Variants in ATG2A observed in about 807,000 individuals in gnomAD.
ATG2A encodes the protein autophagy-related protein 2 homolog A.
ATG2A carries 103 observed loss-of-function variants against 214.2 expected under a neutral mutation model. That is an observed-to-expected ratio of 0.48 (90% CI 0.41 to 0.57). The LOEUF (loss-of-function observed/expected upper bound fraction) is 0.57. ATG2A is among the 20% of genes least tolerant of loss of function. ATG2A has a pLI of 0.00. For missense variants in ATG2A, 2,312 were observed against 2,613.2 expected (o/e 0.88, Z 2.51); for synonymous variants, 1,160 against 1,142.1 (o/e 1.02, Z -0.32).
rs1176242142 is a variant in ATG2A at position 64,910,692 on chromosome 11, C to T, written c.1631G>A (p.Gly544Asp). Residue 544 changes from glycine (G) to aspartate (D), a missense_variant, in exon 12 of 41, where the codon GGT (glycine) becomes GAT (aspartate). Transcript: ENST00000377264. Reference sequence around the variant, plus strand: ...AGCTGAGGCCTGGGAGCCCAGCGTACCAGGAAAGGTCAGGATCTGGGATGG... The same window carrying T: ...AGCTGAGGCCTGGGAGCCCAGCGTATCAGGAAAGGTCAGGATCTGGGATGG... Reference protein sequence around the residue: ...PEYTEILTFPGTLGSQASARP... With the variant: ...PEYTEILTFPDTLGSQASARP... The T allele has an allele frequency of 6.2e-7, 1 of 1,610,412 alleles. No homozygotes were observed. The highest frequency in any genetic ancestry group is 8.5e-7 in the Non-Finnish European group (1 of 1,178,598).
intron 30 of ATG2A, 98 bp downstream of exon 30, chr11:64,900,786 G>C: frequency 6.9e-7 from 1 of 1,449,190 alleles, no homozygotes; most frequent in Non-Finnish European, 9.2e-7. Context: ...CCCACCTGGG[G>C]TGGATGGGGC....
At chr11:64,901,286 C>G (rs563609642) in intron 29 of ATG2A, among the ~76,000 whole-genome samples, 194 bp from the exon 30 acceptor site, 2 of 152,116 alleles carry the variant, frequency 1.3e-5, no homozygotes, top group Non-Finnish European at 2.9e-5. Flanking sequence ...TAGGCTCAAG[C>G]GATCCTCCAT....
Position 64,895,474 on chromosome 11 carries a change from G to C in ATG2A, c.5428-32C>G, listed in dbSNP as rs750254465. 16 of 1,508,342 alleles carry C rather than the reference G, an allele frequency of 1.1e-5. No individual in the cohort carries two copies. Among genetic ancestry groups the C allele is most frequent in the Non-Finnish European group, 1.2e-5 (14 of 1,124,592 alleles). The allele number at this position is 1,508,342 out of a possible 1,614,324, so 93.4% of individuals were successfully genotyped here. A position where few individuals can be genotyped will look rare whatever the true frequency, so the allele number is the denominator to read the frequency against. On this transcript the variant is annotated intron_variant, in intron 39 of 40. Transcript: ENST00000377264. The surrounding 1 kb of genome is among the most constrained non-coding windows in gnomAD (Gnocchi z 5.0). ...GACATGGGAGCACTGGATGAGGACAGCTGGCTGGGGCACACGTCAGCCCCA... is the reference window on the plus strand; with the variant it reads ...GACATGGGAGCACTGGATGAGGACACCTGGCTGGGGCACACGTCAGCCCCA...
chr11:64,898,465 G>A lies in ATG2A; in HGVS notation c.4672-103C>T, dbSNP rs1208453276. The A allele has an allele frequency of 4.5e-6, 6 of 1,329,940 alleles. No individual in the cohort carries two copies. Among genetic ancestry groups the A allele is most frequent in the South Asian group, 2.8e-5 (2 of 72,416 alleles). The allele number at this position is 1,329,940 out of a possible 1,614,324, so 82.4% of individuals were successfully genotyped here. A position where few individuals can be genotyped will look rare whatever the true frequency, so the allele number is the denominator to read the frequency against. On this transcript the variant is annotated intron_variant, in intron 32 of 40. Transcript: ENST00000377264. The surrounding 1 kb of genome is among the most constrained non-coding windows in gnomAD (Gnocchi z 4.5). ...ACCCAGCCACCCTGCCTCTGAACAC[G>A]CTGTTCCCTTCGCTAACACAGCCCC...
Position 64,898,340 on chromosome 11 carries a change from A to G in ATG2A, c.4694T>C (p.Val1565Ala), listed in dbSNP as rs778660253. 1 of 1,607,802 alleles carries G rather than the reference A, an allele frequency of 6.2e-7. No individual in the cohort carries two copies. Among genetic ancestry groups the G allele is most frequent in the East Asian group, 2.2e-5 (1 of 44,778 alleles). ...SNMLTIKALH[V>A]APTTNLGGPE... ...CCCACCCAGGTTGGTAGTGGGGGCC[A>G]CATGCAGCGCTTTGATGGTGAGCTG... Residue 1565 changes from valine (V) to alanine (A), a missense_variant, in exon 33 of 41, where the codon GTG (valine) becomes GCG (alanine). Physicochemically the swap from Val to Ala is moderately conservative, Grantham distance 64. Transcript: ENST00000377264. The surrounding 1 kb of genome is among the most constrained non-coding windows in gnomAD (Gnocchi z 4.5).
rs1425725249 is a variant in ATG2A at position 64,914,420 on chromosome 11, C to T, written c.252G>A (p.Val84=). 3.7e-6 allele frequency: 6 copies of T among 1,612,528 alleles called. No individual in the cohort carries two copies. The East Asian group carries it at 6.7e-5, about 18-fold the overall frequency. ...GGTCGGTGAGCAGAGCAGCCCAGGGCACGGCCACCTCGATGGAGCCCACGA... is the reference window on the plus strand; with the variant it reads ...GGTCGGTGAGCAGAGCAGCCCAGGGTACGGCCACCTCGATGGAGCCCACGA... ...EGFVGSIEVA[V]PWAALLTDHC... The change falls in exon 2 of 41, where the codon GTG becomes GTA. Residue 84 remains valine (V), a synonymous_variant. Coordinates refer to ENST00000377264, the MANE Select transcript of ATG2A (RefSeq NM_015104.3).
At chr11:64,910,585 A>G (rs1381807041) in intron 12 of ATG2A, 31 bp downstream of exon 12, 2 of 1,570,528 alleles carry the variant, frequency 1.3e-6, no homozygotes, top group Admixed American at 3.7e-5. Context: ...CGCCATGGGG[A>G]CAGCCTGGTG....
At chr11:64,910,508 C>A in intron 12 of ATG2A, 108 bp downstream of exon 12, 1 of 1,301,670 alleles carries the variant, frequency 7.7e-7, no homozygotes, top group South Asian at 1.3e-5. Context: ...AGATGTGGAG[C>A]ACAGGGGAAG....
At position 64,897,897 on chromosome 11, in the gene ATG2A, C is replaced by T. The variant is rs745973706; in HGVS notation, c.4936G>A (p.Glu1646Lys). ...GGGCTGTGTCCACCTCCTGGGGCCT[C>T]CTGCGAACCAGTGGTCTCTACGCCT... The part of the protein sequence containing the change: ...AEGVETTGSQ[E>K]APGGGHSPSP... The change falls in exon 35 of 41, where the codon GAG (glutamate) becomes AAG (lysine). Residue 1646 changes from glutamate to lysine, a missense_variant. Physicochemically the swap from Glu to Lys is moderately conservative, Grantham distance 56. Coordinates refer to ENST00000377264, the MANE Select transcript of ATG2A (RefSeq NM_015104.3). 2.6e-6 allele frequency: 4 copies of T among 1,567,410 alleles called. No individual in the cohort carries two copies. The Admixed American group carries it at 5.5e-5, about 21-fold the overall frequency.
Position 64,914,250 on chromosome 11 carries a change from G to A in ATG2A, c.335-17C>T, listed in dbSNP as rs1286169599. The A allele has an allele frequency of 1.3e-6, 2 of 1,551,418 alleles. No individual in the cohort carries two copies. Among genetic ancestry groups the A allele is most frequent in the Non-Finnish European group, 8.7e-7 (1 of 1,146,746 alleles). On this transcript the variant is annotated splice_polypyrimidine_tract_variant and intron_variant, in intron 2 of 40. Coordinates refer to ENST00000377264, the MANE Select transcript of ATG2A (RefSeq NM_015104.3). ...CCCCTGGCGCTGTAGGGAGAAACAGGGTCTCAAGGCAGGCAGGCCCAGTCA... is the reference window on the plus strand; with the variant it reads ...CCCCTGGCGCTGTAGGGAGAAACAGAGTCTCAAGGCAGGCAGGCCCAGTCA...
rs1945016530 is a variant in ATG2A at position 64,917,050 on chromosome 11, A to T, written c.86T>A (p.Phe29Tyr). 1.2e-6 allele frequency: 2 copies of T among 1,613,670 alleles called. No individual in the cohort carries two copies. Among genetic ancestry groups the T allele is most frequent in the African/African-American group, 2.7e-5 (2 of 74,938 alleles). The change falls in exon 1 of 41, where the codon TTC (phenylalanine) becomes TAC (tyrosine). Residue 29 changes from phenylalanine (F) to tyrosine (Y), a missense_variant. Coordinates refer to ENST00000377264, the MANE Select transcript of ATG2A (RefSeq NM_015104.3). The stretch of plus-strand genomic sequence containing the variant: ...CTGGTCCAGGCTGAGGTGCTCTTGG[A>T]AGAAGTGACCTAAGTAGTGGTGCAG... ...YLLHHYLGHF[F>Y]QEHLSLDQLS...
chr11:64,913,326 G>A lies in ATG2A; in HGVS notation c.666C>T (p.Phe222=). Residue 222 remains phenylalanine, a synonymous_variant, in exon 5 of 41, where the codon TTC becomes TTT. Coordinates refer to ENST00000377264, the MANE Select transcript of ATG2A (RefSeq NM_015104.3). This position sits in a 1 kb window ranked among gnomAD's most constrained non-coding sequence, Gnocchi z 4.3. ...PPVDVHQPPA[F]LHKLLQLAGV... ...CTGCCAGCTGCAGCAGCTTGTGCAG[G>A]AAGGCAGGCGGCTGATGCACGTCCA... is the stretch of plus-strand genomic sequence containing the variant. 3.1e-6 allele frequency: 5 copies of A among 1,607,786 alleles called. No individual in the cohort carries two copies. Among genetic ancestry groups the A allele is most frequent in the Non-Finnish European group, 4.2e-6 (5 of 1,178,218 alleles).
At chr11:64,911,765 C>A in intron 9 of ATG2A, 77 bp downstream of exon 9, 1 of 1,573,710 alleles carries the variant, frequency 6.4e-7, no homozygotes, top group East Asian at 2.2e-5. Flanking sequence ...TTCCTGTGTG[C>A]CTCTGACAGC....
chr11:64,911,205 AC>A lies in ATG2A; in HGVS notation c.1298del (p.Gly433ValfsTer2), dbSNP rs751537436. The A allele has an allele frequency of 1.9e-6, 3 of 1,613,760 alleles. No homozygotes were observed. The highest frequency in any genetic ancestry group is 2.5e-6 in the Non-Finnish European group (3 of 1,179,944). ...PDSLLKMTLG[G>X]VTLTLLQTSA... ...ACGTCTGAAGCAAGGTCAGGGTCACACCCCCCAAGGTCATCTTCAGCAGCGA... is the reference window on the plus strand; with the variant it reads ...ACGTCTGAAGCAAGGTCAGGGTCACACCCCCAAGGTCATCTTCAGCAGCGA... On this transcript the variant is annotated frameshift_variant, in exon 10 of 41. Transcript: ENST00000377264. LOFTEE classifies it high-confidence loss of function.
intron 30 of ATG2A, 82 bp downstream of exon 30, chr11:64,900,802 G>A (rs1277098894): frequency 2.0e-6 from 3 of 1,472,976 alleles, no homozygotes; most frequent in African/African-American, 1.4e-5. Context: ...GGGGCTCAAG[G>A]TCTCCAGCTG....
chr11:64,897,143 GAGTAGCTGGGATT>G, intron 37 of ATG2A: 1 of 616,928 alleles, frequency 1.6e-6, no homozygotes, highest in Non-Finnish European at 2.8e-6. Flanking sequence ...TCAGCCTCCT[GAGTAGCTGGGATT>G]ACATGTGTAT....
intron 7 of ATG2A, 31 bp from the exon 8 acceptor site, chr11:64,912,280 G>C: frequency 6.2e-7 from 1 of 1,608,576 alleles, no homozygotes. Context: ...GTCTGGGCTG[G>C]CTGGCCCTCC....
At position 64,901,090 on chromosome 11, in the gene ATG2A, G is replaced by A. The variant is rs1183562814; in HGVS notation, c.4122C>T (p.Pro1374=). ...GTGTCACCACAGGCTCCCCATCTCG[G>A]GGCTGCAGGGAGGCCAGGTAGACGT... is the stretch of plus-strand genomic sequence containing the variant. The part of the protein sequence containing the change: ...ILDAPGLGIP[P]RDGEPVVTQL... Residue 1374 remains proline (P), a splice_region_variant and synonymous_variant, in exon 30 of 41, where the codon CCC becomes CCT. Coordinates refer to ENST00000377264, the MANE Select transcript of ATG2A (RefSeq NM_015104.3). 1 of 1,560,322 alleles carries A rather than the reference G, an allele frequency of 6.4e-7. No individual in the cohort carries two copies. Among genetic ancestry groups the A allele is most frequent in the African/African-American group, 1.4e-5 (1 of 73,558 alleles).
intron 24 of ATG2A, among the ~76,000 whole-genome samples, chr11:64,904,523 G>C (rs377633928): frequency 3.3e-5 from 5 of 151,076 alleles, no homozygotes; most frequent in African/African-American, 1.2e-4. Context: ...CCAGCCTGCT[G>C]ACAGAGCGAG....
Sources: gnomAD v4.1 joint callset for allele counts (sites outside exome capture counted in the v4.1 genomes callset) on GRCh38, gnomAD v4.1.1 for gene constraint, Gnocchi (gnomAD v3.1) non-coding constraint, MANE v1.5 for transcripts, NCBI Gene and HGNC (gene_info 2026-07-23, HGNC 2026-07-21) for gene names.